The following TBC1D22A variants were observed in gnomAD, a reference collection of about 807,000 sequenced individuals.
TBC1D22A encodes the protein TBC1 domain family member 22A, also known as putative GTPase activator.
Under a neutral mutation model 60.2 loss-of-function variants are expected in TBC1D22A, and 38 were observed. The ratio of observed to expected loss-of-function variants is 0.63; its 90% CI spans 0.49 to 0.83. The LOEUF (loss-of-function observed/expected upper bound fraction) is 0.83, where lower values mean the gene tolerates loss of function less well. TBC1D22A is among the 40% of genes least tolerant of loss of function. The probability of loss-of-function intolerance (pLI) is 0.00; values close to 1 mark genes in which losing one functional copy is unlikely to be tolerated. For missense variants in TBC1D22A, 628 were observed against 701.0 expected (o/e 0.90, Z 1.18); for synonymous variants, 302 against 281.7 (o/e 1.07, Z -0.72).
chr22:46,907,691 G>A (rs187145017), intron 7 of TBC1D22A, among the ~76,000 whole-genome samples: 1 of 152,208 alleles, frequency 6.6e-6, no homozygotes, highest in Non-Finnish European at 1.5e-5. Flanking sequence ...CTCTGTGCCG[G>A]CCGTGCAGGA....
chr22:46,893,358 T>C (rs6007986), intron 6 of TBC1D22A, among the ~76,000 whole-genome samples: 2,096 of 152,224 alleles, frequency 0.014, 62 homozygotes, highest in African/African-American at 0.048. Flanking sequence ...GCGGGATGGA[T>C]GGAGGGGTGC....
At chr22:47,064,845 C>CTGA (rs1297593049) in intron 11 of TBC1D22A, among the ~76,000 whole-genome samples, 1 of 152,216 alleles carries the variant, frequency 6.6e-6, no homozygotes, top group Non-Finnish European at 1.5e-5. Context: ...GTTAACTCTC[C>CTGA]AAGTGTCTTT....
chr22:47,015,786 G>T (rs922536421), intron 10 of TBC1D22A, among the ~76,000 whole-genome samples: 1 of 152,212 alleles, frequency 6.6e-6, no homozygotes, highest in Non-Finnish European at 1.5e-5. Context: ...CTCCATCCTC[G>T]AAGCAGCCTG....
At chr22:47,165,823 C>T (rs2068187708) in intron 12 of TBC1D22A, among the ~76,000 whole-genome samples, 1 of 152,152 alleles carries the variant, frequency 6.6e-6, no homozygotes, top group African/African-American at 2.4e-5. Context: ...CCACTGCAGA[C>T]AGCTGGCACT....
At chr22:46,925,981 G>A (rs4823898) in intron 8 of TBC1D22A, among the ~76,000 whole-genome samples, 118,035 of 152,138 alleles carry the variant, frequency 0.78, 45,928 homozygotes, top group Middle Eastern at 0.85. Flanking sequence ...TTTGACCACA[G>A]TGGCATTAAG....
At chr22:47,094,422 G>A (rs1438171369) in intron 11 of TBC1D22A, among the ~76,000 whole-genome samples, 1 of 152,084 alleles carries the variant, frequency 6.6e-6, no homozygotes, top group Non-Finnish European at 1.5e-5. Context: ...ACAGAGACTG[G>A]CCTCTCCCAA....
At chr22:46,775,198 G>T (rs2146746128) in intron 1 of TBC1D22A, among the ~76,000 whole-genome samples, 1 of 152,324 alleles carries the variant, frequency 6.6e-6, no homozygotes, top group East Asian at 1.9e-4. Flanking sequence ...TCTCTTAGGG[G>T]TGGCAGCTCC....
Position 47,167,609 on chromosome 22 carries a change from T to A in TBC1D22A, c.1426-5889T>A, listed in dbSNP as rs1192925939. 2.6e-5 allele frequency among the ~76,000 whole-genome samples: 4 copies of A among 152,268 alleles called. No homozygotes were observed. In the East Asian group the frequency reaches 5.8e-4, roughly 22 times the overall value. ...CGCCAGAGAGTAAGGCAGAGTAGAA[T>A]TTTACTGAGGAACAGAAAGAAAGCT... On this transcript the variant is annotated intron_variant, in intron 12 of 12. Coordinates refer to ENST00000337137, the MANE Select transcript of TBC1D22A (RefSeq NM_014346.5).
intron 12 of TBC1D22A, among the ~76,000 whole-genome samples, chr22:47,122,951 T>G (rs764996260): frequency 3.3e-5 from 5 of 152,204 alleles, no homozygotes; most frequent in Non-Finnish European, 7.3e-5. Flanking sequence ...AAAGGTTGCT[T>G]TAAAGATCAA....
intron 11 of TBC1D22A, among the ~76,000 whole-genome samples, chr22:47,065,933 A>G (rs2063759585): frequency 6.6e-6 from 1 of 152,170 alleles, no homozygotes; most frequent in Non-Finnish European, 1.5e-5. Flanking sequence ...CCTTGGGCAC[A>G]CTGGACCCAT....
intron 8 of TBC1D22A, among the ~76,000 whole-genome samples, chr22:46,963,898 TC>T (rs977812405): frequency 4.1e-4 from 63 of 152,002 alleles, no homozygotes; most frequent in African/African-American, 1.4e-3. Flanking sequence ...ATCTGAAGGC[TC>T]TCGGGAGCTG....
At chr22:47,120,963 T>A (rs1457058792) in intron 12 of TBC1D22A, among the ~76,000 whole-genome samples, 3 of 152,164 alleles carry the variant, frequency 2.0e-5, no homozygotes, top group Non-Finnish European at 2.9e-5. Context: ...ACCAGAAACA[T>A]CATAAACAAA....
chr22:47,156,543 G>A (rs1001120429), intron 12 of TBC1D22A, among the ~76,000 whole-genome samples: 11 of 152,242 alleles, frequency 7.2e-5, no homozygotes, highest in South Asian at 4.2e-4. Flanking sequence ...GAGGCTGGCC[G>A]GAGTGAACAC....
intron 10 of TBC1D22A, among the ~76,000 whole-genome samples, chr22:47,021,287 G>A (rs2062077613): frequency 6.9e-6 from 1 of 144,784 alleles, no homozygotes; most frequent in Admixed American, 6.9e-5. Context: ...CTGTAGCCTG[G>A]AGCCCTGAGC....
chr22:46,941,208 T>TATATGTATACACACACACACAC (rs1555959657), intron 8 of TBC1D22A, among the ~76,000 whole-genome samples: 17 of 84,848 alleles, frequency 2.0e-4, no homozygotes, highest in African/African-American at 8.4e-4. Flanking sequence ...TATATATGTA[T>TATATGTATACACACACACACAC]ACACACACAC....
At chr22:47,059,528 A>G (rs1251739818) in intron 11 of TBC1D22A, among the ~76,000 whole-genome samples, 2 of 152,178 alleles carry the variant, frequency 1.3e-5, no homozygotes, top group African/African-American at 4.8e-5. Flanking sequence ...TCCACCCCCA[A>G]TGTGAGCAAG....
intron 7 of TBC1D22A, among the ~76,000 whole-genome samples, chr22:46,899,477 C>T (rs1348334218): frequency 1.3e-5 from 2 of 151,864 alleles, no homozygotes; most frequent in African/African-American, 2.4e-5. Context: ...CTTGTGTTGG[C>T]CAGTAGAAAA....
Position 47,173,663 on chromosome 22 carries a change from G to C in TBC1D22A, c.*37G>C, listed in dbSNP as rs752712336. 1 of 1,610,946 alleles carries C rather than the reference G, an allele frequency of 6.2e-7. No individual in the cohort carries two copies. The highest frequency in any genetic ancestry group is 8.5e-7 in the Non-Finnish European group (1 of 1,178,078). ...CCCGCAGCTGGCCTCACTGTCCCGG[G>C]TGGCGCGCCCCACCTGCCTGGCTGG... is the stretch of plus-strand genomic sequence containing the variant. On this transcript the variant is annotated 3_prime_UTR_variant, in exon 13 of 13. Transcript: ENST00000337137.
intron 12 of TBC1D22A, among the ~76,000 whole-genome samples, chr22:47,123,006 G>A (rs866559112): frequency 6.6e-6 from 1 of 152,190 alleles, no homozygotes; most frequent in African/African-American, 2.4e-5. Context: ...AGAGAAGATG[G>A]GGTTTGCACA....
Sources: allele counts gnomAD v4.1 joint callset (sites outside exome capture counted in the v4.1 genomes callset), GRCh38; gene constraint gnomAD v4.1.1; transcripts MANE v1.5; gene names NCBI Gene and HGNC (gene_info 2026-07-23, HGNC 2026-07-21).